CWC27: variants seen among roughly 807,000 people sequenced by gnomAD.
CWC27 encodes spliceosome-associated protein CWC27 homolog.
A neutral mutation model predicts 63.6 loss-of-function variants in CWC27; 47 were observed. That is an observed-to-expected ratio of 0.74 (90% CI 0.58 to 0.94). The LOEUF (loss-of-function observed/expected upper bound fraction) is 0.94, where lower values mean the gene tolerates loss of function less well. CWC27 is among the 40% of genes least tolerant of loss of function. The pLI, the probability that CWC27 is intolerant of heterozygous loss-of-function variation, is 0.00. For missense variants in CWC27, 495 were observed against 554.3 expected, an observed-to-expected ratio of 0.89 and a Z score of 1.07; for synonymous variants, 175 against 179.8, an observed-to-expected ratio of 0.97 and a Z score of 0.22.
At chr5:64,827,060 G>T (rs768194136) in intron 10 of CWC27, among the ~76,000 whole-genome samples, 3 of 152,112 alleles carry the variant, frequency 2.0e-5, no homozygotes, top group South Asian at 4.1e-4. Context: ...TTAAACAAGC[G>T]CATTGAAAGA....
intron 10 of CWC27, among the ~76,000 whole-genome samples, chr5:64,839,569 A>C (rs1201206647): frequency 6.6e-6 from 1 of 152,226 alleles, no homozygotes; most frequent in Non-Finnish European, 1.5e-5. Context: ...ACGAGAAAGC[A>C]CAGGGCCTGA....
intron 11 of CWC27, among the ~76,000 whole-genome samples, chr5:64,926,648 T>C (rs1440348302): frequency 1.3e-5 from 2 of 152,148 alleles, no homozygotes; most frequent in African/African-American, 4.8e-5. Context: ...CCAGAATGTA[T>C]GTTTGTTGGT....
intron 11 of CWC27, among the ~76,000 whole-genome samples, chr5:64,906,933 C>T (rs113694521): frequency 6.6e-6 from 1 of 152,224 alleles, no homozygotes; most frequent in African/African-American, 2.4e-5. Context: ...AATCCTTTCC[C>T]CATTTTGTGT....
chr5:64,920,636 G>C (rs916729727), intron 11 of CWC27, among the ~76,000 whole-genome samples: 3 of 152,146 alleles, frequency 2.0e-5, no homozygotes, highest in African/African-American at 7.2e-5. Flanking sequence ...TTCAGAAATT[G>C]TTATTGATCC....
At chr5:64,798,558 A>G (rs566512244) in intron 7 of CWC27, among the ~76,000 whole-genome samples, 2 of 152,306 alleles carry the variant, frequency 1.3e-5, no homozygotes, top group East Asian at 3.9e-4. Context: ...ACTTTTTAAA[A>G]CTACAAATAA....
chr5:64,920,867 A>AG (rs1256375659), intron 11 of CWC27, among the ~76,000 whole-genome samples: 1 of 151,988 alleles, frequency 6.6e-6, no homozygotes, highest in South Asian at 2.1e-4. Flanking sequence ...TAATCTACCT[A>AG]GGGGTCTATC....
intron 12 of CWC27, among the ~76,000 whole-genome samples, chr5:64,975,774 G>A (rs1749218195): frequency 6.6e-6 from 1 of 152,038 alleles, no homozygotes; most frequent in African/African-American, 2.4e-5. Context: ...AATAACAATA[G>A]CATATTTAGG....
intron 11 of CWC27, among the ~76,000 whole-genome samples, chr5:64,947,342 G>A (rs1204072096): frequency 6.6e-6 from 1 of 152,062 alleles, no homozygotes; most frequent in Admixed American, 6.6e-5. Context: ...TATTGCTCCT[G>A]TGTTAGCCTG....
intron 10 of CWC27, among the ~76,000 whole-genome samples, chr5:64,839,731 A>C (rs575813389): frequency 6.6e-6 from 1 of 152,340 alleles, no homozygotes; most frequent in African/African-American, 2.4e-5. Flanking sequence ...TTAATGAGAT[A>C]GATTACAGTG....
At chr5:64,800,746 A>G (rs1440952404) in intron 8 of CWC27, among the ~76,000 whole-genome samples, 2 of 152,154 alleles carry the variant, frequency 1.3e-5, no homozygotes, top group Non-Finnish European at 2.9e-5. Context: ...ACTGACTATA[A>G]ATTCTCACAT....
intron 10 of CWC27, among the ~76,000 whole-genome samples, chr5:64,813,732 A>T (rs1056854746): frequency 5.9e-5 from 9 of 152,198 alleles, no homozygotes; most frequent in African/African-American, 2.2e-4. Context: ...AAAAATTGTG[A>T]AATATTCACT....
At chr5:64,905,524 A>C (rs1056770060) in intron 11 of CWC27, among the ~76,000 whole-genome samples, 1 of 152,208 alleles carries the variant, frequency 6.6e-6, no homozygotes, top group Non-Finnish European at 1.5e-5. Context: ...GACTGAATGA[A>C]AAGAACAAAA....
chr5:64,844,640 T>A (rs999038296), intron 10 of CWC27, among the ~76,000 whole-genome samples: 1 of 152,164 alleles, frequency 6.6e-6, no homozygotes, highest in Non-Finnish European at 1.5e-5. Context: ...CTCTCCACCT[T>A]TATGAATTTC....
At chr5:64,807,448 A>G (rs1580624676) in intron 10 of CWC27, 2 of 999,880 alleles carry the variant, frequency 2.0e-6, no homozygotes, top group South Asian at 4.5e-5. Context: ...TGTTCATTTG[A>G]AAAAAGAGCT....
chr5:64,937,145 G>C (rs1748372007), intron 11 of CWC27, among the ~76,000 whole-genome samples: 1 of 151,984 alleles, frequency 6.6e-6, no homozygotes, highest in South Asian at 2.1e-4. Context: ...GCTAGCTTTT[G>C]AATTTGTTTG....
In CWC27 at chr5:64,781,908, A is replaced by G; in HGVS notation, c.140-13A>G. 5 of 1,346,098 alleles carry G rather than the reference A, an allele frequency of 3.7e-6. No individual in the cohort carries two copies. Among genetic ancestry groups the G allele is most frequent in the Non-Finnish European group, 4.2e-6 (4 of 957,210 alleles). The allele number at this position is 1,346,098 out of a possible 1,614,324, so 83.4% of individuals were successfully genotyped here. ...TTTTAGACATTGATAAATTATTTTTATTTTTTTTTCAGCTTATTATGACAA... is the reference window on the plus strand; with the variant it reads ...TTTTAGACATTGATAAATTATTTTTGTTTTTTTTTCAGCTTATTATGACAA... On this transcript the variant is annotated splice_polypyrimidine_tract_variant and intron_variant, in intron 2 of 13. Transcript: ENST00000381070.
intron 11 of CWC27, among the ~76,000 whole-genome samples, chr5:64,907,142 C>A (rs796118764): frequency 6.6e-6 from 1 of 152,108 alleles, no homozygotes; most frequent in Non-Finnish European, 1.5e-5. Context: ...ATTGACTTGG[C>A]GATGCGGGCT....
In CWC27 at chr5:64,885,498, C is replaced by T. The variant is rs1561446678; in HGVS notation, c.994C>T (p.Gln332Ter). 1 of 1,606,860 alleles carries T rather than the reference C, an allele frequency of 6.2e-7. No individual in the cohort carries two copies. Among genetic ancestry groups the T allele is most frequent in the African/African-American group, 1.3e-5 (1 of 74,566 alleles). Residue 332 changes from glutamine (Q) to a stop codon, truncating the protein, a stop_gained, in exon 11 of 14, where the codon CAA (glutamine) becomes TAA (stop). Transcript: ENST00000381070. LOFTEE classifies it high-confidence loss of function. ...QLKRELLAAK[Q>*]KKVENAAKQA... The stretch of plus-strand genomic sequence containing the variant: ...AAAACGGGAACTCTTAGCAGCAAAA[C>T]AAAAAAAAGTAGAAAATGCAGCAAA...
intron 10 of CWC27, 118 bp from the exon 11 acceptor site, chr5:64,885,325 A>G (rs867755680): frequency 1.6e-6 from 1 of 627,952 alleles, no homozygotes; most frequent in Non-Finnish European, 2.7e-6. Flanking sequence ...AACAAAATGA[A>G]TGAATTACAT....
Sources: allele counts gnomAD v4.1 joint callset (sites outside exome capture counted in the v4.1 genomes callset), GRCh38; gene constraint gnomAD v4.1.1; transcripts MANE v1.5; gene names NCBI Gene and HGNC (gene_info 2026-07-23, HGNC 2026-07-21).